The following REC114 variants were observed in gnomAD, a reference collection of about 807,000 sequenced individuals.
The protein encoded by REC114 is meiotic recombination protein REC114.
A neutral mutation model predicts 31.3 loss-of-function variants in REC114; 27 were observed. The ratio of observed to expected loss-of-function variants is 0.86; its 90% CI spans 0.64 to 1.19. The LOEUF (loss-of-function observed/expected upper bound fraction) is 1.19. Among genes scored for constraint, REC114 ranks in the 50% most tolerant of loss-of-function variants. The probability of loss-of-function intolerance (pLI) is 0.00; values close to 1 mark genes in which losing one functional copy is unlikely to be tolerated. For missense variants in REC114, 344 were observed against 326.9 expected, an observed-to-expected ratio of 1.05 and a Z score of -0.40; for synonymous variants, 134 against 127.7, an observed-to-expected ratio of 1.05 and a Z score of -0.33.
chr15:73,447,514 C>T (rs1892781384), intron 1 of REC114, among the ~76,000 whole-genome samples: 2 of 151,846 alleles, frequency 1.3e-5, no homozygotes, highest in African/African-American at 4.8e-5. Flanking sequence ...ACCAGACTGG[C>T]CAACATGGTG....
At chr15:73,478,812 T>C (rs1281988758) in intron 2 of REC114, among the ~76,000 whole-genome samples, 1 of 152,218 alleles carries the variant, frequency 6.6e-6, no homozygotes, top group Non-Finnish European at 1.5e-5. Flanking sequence ...TCATATTTTT[T>C]ATGTTCTTGT....
intron 2 of REC114, among the ~76,000 whole-genome samples, chr15:73,482,215 T>C (rs1371216809): frequency 1.3e-5 from 2 of 152,164 alleles, no homozygotes; most frequent in East Asian, 1.9e-4. Context: ...CCAAATCTTG[T>C]GTTGAAATGT....
chr15:73,559,347 C>T (rs1894533365), intron 5 of REC114, among the ~76,000 whole-genome samples: 2 of 152,194 alleles, frequency 1.3e-5, no homozygotes, highest in Admixed American at 6.5e-5. Context: ...GTAGGCTGCT[C>T]ACATCCACTC....
chr15:73,463,817 A>T (rs759562593), intron 1 of REC114, among the ~76,000 whole-genome samples: 4 of 152,132 alleles, frequency 2.6e-5, no homozygotes, highest in Non-Finnish European at 5.9e-5. Context: ...AAAGGAAAAA[A>T]AAAAAAGAGT....
intron 2 of REC114, among the ~76,000 whole-genome samples, chr15:73,521,553 G>C (rs995459866): frequency 1.3e-5 from 2 of 151,986 alleles, no homozygotes; most frequent in African/African-American, 4.8e-5. Context: ...CCCAAAATTG[G>C]TACTATGGAA....
intron 2 of REC114, among the ~76,000 whole-genome samples, chr15:73,525,647 A>G (rs1038971199): frequency 6.6e-6 from 1 of 151,758 alleles, no homozygotes; most frequent in African/African-American, 2.4e-5. Context: ...AGTTATCTTT[A>G]TGTAATTTTT....
chr15:73,560,003 T>G lies in REC114; in HGVS notation c.*87T>G. ...TTAAAGAAGATATTAGAATAAAGAG[T>G]ATTATCCAAACACCTTTTATCAATG... On this transcript the variant is annotated 3_prime_UTR_variant, in exon 6 of 6. Coordinates refer to ENST00000331090, the MANE Select transcript of REC114 (RefSeq NM_001042367.2). The G allele has an allele frequency of 7.8e-7, 1 of 1,282,550 alleles. No individual in the cohort carries two copies. Among genetic ancestry groups the G allele is most frequent in the South Asian group, 1.5e-5 (1 of 67,146 alleles). 79.4% of individuals were successfully genotyped at this position (1,282,550 alleles called of 1,614,324 possible).
intron 3 of REC114, among the ~76,000 whole-genome samples, chr15:73,544,784 C>T (rs1894286286): frequency 6.6e-6 from 1 of 152,158 alleles, no homozygotes; most frequent in Non-Finnish European, 1.5e-5. Flanking sequence ...TCTGTACTTC[C>T]ACATTTTCTA....
At position 73,518,959 on chromosome 15, in the gene REC114, G is replaced by A. The variant is rs138760952; in HGVS notation, c.250-21526G>A. 4.4e-3 allele frequency among the ~76,000 whole-genome samples: 674 copies of A among 152,228 alleles called. 4 individuals carry two copies. Among genetic ancestry groups the A allele is most frequent in the African/African-American group, 0.016 (645 of 41,528 alleles). On this transcript the variant is annotated intron_variant, in intron 2 of 5. Transcript: ENST00000331090. Reference sequence around the variant, plus strand: ...CTAACTAATCTTAAAGACACATTGAGGCCAAAACAAGCCCATGAAAAATGT... The same window carrying A: ...CTAACTAATCTTAAAGACACATTGAAGCCAAAACAAGCCCATGAAAAATGT...
At chr15:73,523,871 G>A (rs1893971153) in intron 2 of REC114, among the ~76,000 whole-genome samples, 1 of 152,152 alleles carries the variant, frequency 6.6e-6, no homozygotes, top group African/African-American at 2.4e-5. Context: ...TGTGTATGAT[G>A]TGAGGTAAGG....
At chr15:73,523,617 A>G (rs1348426269) in intron 2 of REC114, among the ~76,000 whole-genome samples, 1 of 152,216 alleles carries the variant, frequency 6.6e-6, no homozygotes, top group East Asian at 1.9e-4. Context: ...TAACGTATAT[A>G]TGTTGTGAAT....
intron 2 of REC114, among the ~76,000 whole-genome samples, chr15:73,485,488 G>A (rs1893352815): frequency 6.6e-6 from 1 of 152,178 alleles, no homozygotes; most frequent in Non-Finnish European, 1.5e-5. Flanking sequence ...TGTAGGTGGG[G>A]CGTGGTGGAA....
At chr15:73,503,643 C>A (rs559243929) in intron 2 of REC114, among the ~76,000 whole-genome samples, 2 of 152,240 alleles carry the variant, frequency 1.3e-5, no homozygotes, top group East Asian at 3.9e-4. Context: ...GGTTATCTGG[C>A]AGATGTGAAA....
At chr15:73,488,514 G>T (rs1893403057) in intron 2 of REC114, among the ~76,000 whole-genome samples, 1 of 152,124 alleles carries the variant, frequency 6.6e-6, no homozygotes, top group Non-Finnish European at 1.5e-5. Flanking sequence ...TTTGCTCAGA[G>T]ATTTCTTCTA....
intron 3 of REC114, among the ~76,000 whole-genome samples, chr15:73,550,672 T>A (rs1251038661): frequency 6.6e-6 from 1 of 152,180 alleles, no homozygotes; most frequent in Non-Finnish European, 1.5e-5. Context: ...AGTATAGTGA[T>A]CTTCCTGTCT....
At chr15:73,454,564 C>T (rs77050812) in intron 1 of REC114, among the ~76,000 whole-genome samples, 7,737 of 152,176 alleles carry the variant, frequency 0.051, 237 homozygotes, top group East Asian at 0.11. Context: ...ATCAGTATAT[C>T]TAGGACCATA....
At chr15:73,465,662 T>A (rs1198044819) in intron 1 of REC114, among the ~76,000 whole-genome samples, 1 of 152,176 alleles carries the variant, frequency 6.6e-6, no homozygotes, top group African/African-American at 2.4e-5. Context: ...TTTTAACATC[T>A]TCTTCCCCTG....
chr15:73,470,885 G>A (rs1322784890), intron 1 of REC114, among the ~76,000 whole-genome samples: 3 of 152,150 alleles, frequency 2.0e-5, no homozygotes, highest in Non-Finnish European at 2.9e-5. Context: ...AATTGTAGAA[G>A]CCCTGAGGTT....
At chr15:73,496,711 A>G (rs1037684423) in intron 2 of REC114, among the ~76,000 whole-genome samples, 5 of 152,092 alleles carry the variant, frequency 3.3e-5, no homozygotes, top group African/African-American at 4.8e-5. Context: ...CCATTCACCC[A>G]GCTTTCCCAA....
Sources: gnomAD v4.1 joint callset for allele counts (sites outside exome capture counted in the v4.1 genomes callset) on GRCh38, gnomAD v4.1.1 for gene constraint, MANE v1.5 for transcripts, NCBI Gene and HGNC (gene_info 2026-07-23, HGNC 2026-07-21) for gene names.